Variants in TTYH2 observed in about 807,000 individuals in gnomAD.
TTYH2 encodes tweety family member 2, also known as protein tweety homolog 2.
TTYH2 carries 49 observed loss-of-function variants against 68.3 expected under a neutral mutation model. That is an observed-to-expected ratio of 0.72 (90% CI 0.57 to 0.91). The LOEUF (loss-of-function observed/expected upper bound fraction) is 0.91, where lower values mean the gene tolerates loss of function less well. TTYH2 is among the 40% of genes least tolerant of loss of function. The pLI, the probability that TTYH2 is intolerant of heterozygous loss-of-function variation, is 0.00. For missense variants in TTYH2, 631 were observed against 700.4 expected, an observed-to-expected ratio of 0.90 and a Z score of 1.12; for synonymous variants, 272 against 300.8, an observed-to-expected ratio of 0.90 and a Z score of 0.99.
rs1391633310 is a variant in TTYH2 at position 74,239,554 on chromosome 17, T to C, written c.635+2040T>C. 6.6e-6 allele frequency among the ~76,000 whole-genome samples: 1 copy of C among 152,144 alleles called. No individual in the cohort carries two copies. Among genetic ancestry groups the C allele is most frequent in the Admixed American group, 6.5e-5 (1 of 15,278 alleles). On this transcript the variant is annotated intron_variant, in intron 4 of 13. Coordinates refer to ENST00000269346, the MANE Select transcript of TTYH2 (RefSeq NM_032646.6). This position sits in a 1 kb window ranked among gnomAD's most constrained non-coding sequence, Gnocchi z 5.3. ...CACTGCTGGACTGAGTCCAGGGGCC[T>C]CTCCCCTTCCCAAAAATAGGAGGTG... is the stretch of plus-strand genomic sequence containing the variant.
intron 13 of TTYH2, 75 bp downstream of exon 13, chr17:74,253,908 G>A (rs1357675430): frequency 1.4e-6 from 2 of 1,445,362 alleles, no homozygotes; most frequent in Admixed American, 3.4e-5. Context: ...AGTGAATCCT[G>A]TCCACAAAGG....
Position 74,249,097 on chromosome 17 carries a change from A to G in TTYH2, c.874+17A>G. The stretch of plus-strand genomic sequence containing the variant: ...TCAGCACAGGTAACTACACACTCTC[A>G]GGCTGCTGCTGTGGATGCATAGGTG... On this transcript the variant is annotated intron_variant, in intron 7 of 13. Coordinates refer to ENST00000269346, the MANE Select transcript of TTYH2 (RefSeq NM_032646.6). 6.2e-7 allele frequency: 1 copy of G among 1,613,494 alleles called. No homozygotes were observed. The highest frequency in any genetic ancestry group is 8.5e-7 in the Non-Finnish European group (1 of 1,179,512).
rs943016918 is a variant in TTYH2 at position 74,260,058 on chromosome 17, C to A, written c.1525-71C>A. The A allele has an allele frequency of 1.6e-5, 14 of 855,438 alleles. No homozygotes were observed. In the East Asian group the frequency reaches 3.5e-4, roughly 21 times the overall value. 53.0% of individuals were successfully genotyped at this position (855,438 alleles called of 1,614,324 possible). A position where few individuals can be genotyped will look rare whatever the true frequency, so the allele number is the denominator to read the frequency against. On this transcript the variant is annotated intron_variant, in intron 13 of 13. Transcript: ENST00000269346. The stretch of plus-strand genomic sequence containing the variant: ...CCGACCCAGTTCCACTCTGAGAAGT[C>A]CCCGGCACCTTTGCTGGTGCAGTGC...
chr17:74,259,122 C>T (rs1272802419), intron 13 of TTYH2, among the ~76,000 whole-genome samples: 3 of 152,192 alleles, frequency 2.0e-5, no homozygotes, highest in African/African-American at 7.2e-5. Context: ...CTGGGTCATG[C>T]TCCTCCAACT....
In TTYH2 at chr17:74,220,377, A is replaced by G. The variant is rs184343954; in HGVS notation, c.130-2108A>G. Among the ~76,000 whole-genome samples the G allele has an allele frequency of 1.6e-3, 238 of 152,300 alleles. 2 individuals carry two copies. Among genetic ancestry groups the G allele is most frequent in the African/African-American group, 5.3e-3 (222 of 41,560 alleles). On this transcript the variant is annotated intron_variant, in intron 1 of 13. Coordinates refer to ENST00000269346, the MANE Select transcript of TTYH2 (RefSeq NM_032646.6). Reference sequence around the variant, plus strand: ...TGCTGCCCAGACTTTAATGGAATATATGTTGCCTGGGATCATCTCTAGAGG... The same window carrying G: ...TGCTGCCCAGACTTTAATGGAATATGTGTTGCCTGGGATCATCTCTAGAGG...
Position 74,251,339 on chromosome 17 carries a change from G to T in TTYH2, c.1117-895G>T, listed in dbSNP as rs370672531. Among the ~76,000 whole-genome samples the T allele has an allele frequency of 1.3e-3, 157 of 120,854 alleles. 3 individuals carry two copies. The highest frequency in any genetic ancestry group is 5.3e-3 in the African/African-American group (151 of 28,230). 79.3% of individuals were successfully genotyped at this position (120,854 alleles called of 152,430 possible). On this transcript the variant is annotated intron_variant, in intron 10 of 13. Transcript: ENST00000269346. ...GTGCACATGTGTGCACATGTATGTG[G>T]TGTGTGTGGTGCATGTGTGTGTGCA...
At position 74,249,539 on chromosome 17, in the gene TTYH2, G is replaced by C. The variant is rs540739487; in HGVS notation, c.930+140G>C. ...TCCTCTCCTTAGCTGCTTCTGTGAGGGGGGCGTGCTTTTGGTCGTGGGTTC... is the reference window on the plus strand; with the variant it reads ...TCCTCTCCTTAGCTGCTTCTGTGAGCGGGGCGTGCTTTTGGTCGTGGGTTC... On this transcript the variant is annotated intron_variant, in intron 8 of 13. Transcript: ENST00000269346. 44 of 907,252 alleles carry C rather than the reference G, an allele frequency of 4.8e-5. No individual in the cohort carries two copies. In the African/African-American group the frequency reaches 5.7e-4, roughly 12 times the overall value. 56.2% of individuals were successfully genotyped at this position (907,252 alleles called of 1,614,324 possible). A position where few individuals can be genotyped will look rare whatever the true frequency, so the allele number is the denominator to read the frequency against.
chr17:74,238,395 C>T (rs1162218923), intron 4 of TTYH2, among the ~76,000 whole-genome samples: 1 of 152,114 alleles, frequency 6.6e-6, no homozygotes, highest in Non-Finnish European at 1.5e-5. Context: ...TCCCCAGACT[C>T]ACTTTTTTTT....
intron 3 of TTYH2, among the ~76,000 whole-genome samples, chr17:74,235,800 A>G (rs186590106): frequency 7.9e-5 from 12 of 151,650 alleles, no homozygotes; most frequent in African/African-American, 2.7e-4. Context: ...AGGCTGAGGC[A>G]GGAGAATCAC....
chr17:74,252,722 C>A (rs978787198), intron 11 of TTYH2, among the ~76,000 whole-genome samples: 2 of 152,190 alleles, frequency 1.3e-5, no homozygotes, highest in Non-Finnish European at 2.9e-5. Context: ...CCAGGAATAG[C>A]AAGAAGGATA....
intron 6 of TTYH2, 123 bp from the exon 7 acceptor site, chr17:74,248,888 A>G: frequency 1.3e-6 from 2 of 1,548,102 alleles, no homozygotes; most frequent in Non-Finnish European, 1.7e-6. Flanking sequence ...CTGGCTCCAG[A>G]CTGTCCTTTG....
chr17:74,230,834 AAACAT>A, intron 2 of TTYH2, 49 bp from the exon 3 acceptor site: 1 of 1,577,970 alleles, frequency 6.3e-7, no homozygotes, highest in Non-Finnish European at 8.7e-7. Flanking sequence ...TAATATAAGC[AAACAT>A]TCTCCTCTGT....
At chr17:74,247,709 C>G (rs961210954) in intron 6 of TTYH2, among the ~76,000 whole-genome samples, 3 of 152,230 alleles carry the variant, frequency 2.0e-5, no homozygotes, top group Non-Finnish European at 2.9e-5. Flanking sequence ...GTCACTCCAG[C>G]CAGGGGGTGG....
intron 13 of TTYH2, among the ~76,000 whole-genome samples, chr17:74,259,043 G>A (rs1355466291): frequency 6.6e-6 from 1 of 152,054 alleles, no homozygotes; most frequent in East Asian, 1.9e-4. Context: ...TGTGTGCAGG[G>A]TATAGAGTGA....
chr17:74,234,997 C>T (rs1024467021), intron 3 of TTYH2, among the ~76,000 whole-genome samples: 13 of 152,146 alleles, frequency 8.5e-5, no homozygotes, highest in African/African-American at 2.9e-4. Context: ...CCCTGTGCTT[C>T]GGGCTGTCGA....
Position 74,215,696 on chromosome 17 carries a change from G to A in TTYH2, c.129+1980G>A. 1.3e-6 allele frequency: 2 copies of A among 1,533,878 alleles called. No homozygotes were observed. Among genetic ancestry groups the A allele is most frequent in the Admixed American group, 2.0e-5 (1 of 50,982 alleles). On this transcript the variant is annotated intron_variant, in intron 1 of 13. Coordinates refer to ENST00000269346, the MANE Select transcript of TTYH2 (RefSeq NM_032646.6). This position sits in a 1 kb window ranked among gnomAD's most constrained non-coding sequence, Gnocchi z 4.3. The stretch of plus-strand genomic sequence containing the variant: ...AAGTCTGGCTCTGGGTGTTATTTAA[G>A]GTGGCTCCTGTTTTTGGTAAGTTCC...
intron 3 of TTYH2, among the ~76,000 whole-genome samples, chr17:74,233,846 C>T (rs1040764362): frequency 3.9e-5 from 6 of 152,144 alleles, no homozygotes; most frequent in Admixed American, 3.3e-4. Context: ...CAGCACGGCC[C>T]CTCCAGGCTC....
At position 74,252,361 on chromosome 17, in the gene TTYH2, A is replaced by G. The variant is rs748535608; in HGVS notation, c.1244A>G (p.Lys415Arg). 1.9e-6 allele frequency: 3 copies of G among 1,613,708 alleles called. No individual in the cohort carries two copies. The South Asian group carries it at 3.3e-5, about 18-fold the overall frequency. ...ATCTGTGCAGGGCCAAGGGCCTGGAAGCACTTCACCACCAGGTGGGCTGCC... is the reference window on the plus strand; with the variant it reads ...ATCTGTGCAGGGCCAAGGGCCTGGAGGCACTTCACCACCAGGTGGGCTGCC... ...TMICAGPRAW[K>R]HFTTRNRDYD... The change falls in exon 11 of 14, where the codon AAG (lysine) becomes AGG (arginine). Residue 415 changes from lysine to arginine, a missense_variant. Lys to Arg is a conservative substitution (Grantham distance 26). Coordinates refer to ENST00000269346, the MANE Select transcript of TTYH2 (RefSeq NM_032646.6).
In TTYH2 at chr17:74,237,420, G is replaced by A. The variant is rs62621376; in HGVS notation, c.541G>A (p.Val181Ile). Residue 181 changes from valine (V) to isoleucine (I), a missense_variant, in exon 4 of 14, where the codon GTT becomes ATT. By Grantham distance (29) the Val-to-Ile change is conservative. Transcript: ENST00000269346. Reference protein sequence around the residue: ...LKFIQQMAGSVVVQLSGLPVW... With the variant: ...LKFIQQMAGSIVVQLSGLPVW... Reference sequence around the variant, plus strand: ...GTTCATACAGCAGATGGCGGGCAGCGTTGTTGTTCAGCTCTCAGGACTGCC... The same window carrying A: ...GTTCATACAGCAGATGGCGGGCAGCATTGTTGTTCAGCTCTCAGGACTGCC... 373,981 of 1,613,794 alleles carry A rather than the reference G, an allele frequency of 0.23. 45,616 individuals are homozygous for A. The highest frequency in any genetic ancestry group is 0.32 in the African/African-American group (24,229 of 74,916).
Sources: allele counts gnomAD v4.1 joint callset (sites outside exome capture counted in the v4.1 genomes callset), GRCh38; gene constraint gnomAD v4.1.1; non-coding constraint Gnocchi (gnomAD v3.1); transcripts MANE v1.5; gene names NCBI Gene and HGNC (gene_info 2026-07-23, HGNC 2026-07-21).